IPCEF1: variants seen among roughly 807,000 people sequenced by gnomAD.
IPCEF1 encodes interactor protein for cytohesin exchange factors 1.
In IPCEF1, 31 loss-of-function variants were observed where a neutral mutation model predicts 50.9. That is an observed-to-expected ratio of 0.61 (90% confidence interval 0.46 to 0.82). The LOEUF is 0.82. Among genes scored for constraint, IPCEF1 ranks in the 40% least tolerant of loss-of-function variants. The probability of loss-of-function intolerance (pLI) is 0.00; values close to 1 mark genes in which losing one functional copy is unlikely to be tolerated. For synonymous variants in IPCEF1, 181 were observed against 192.0 expected, an observed-to-expected ratio of 0.94 and a Z score of 0.47; for missense variants, 458 against 514.0, an observed-to-expected ratio of 0.89 and a Z score of 1.05.
At chr6:154,175,551 CA>C (rs1293366976) in intron 10 of IPCEF1, among the ~76,000 whole-genome samples, 1 of 152,066 alleles carries the variant, frequency 6.6e-6, no homozygotes, top group Non-Finnish European at 1.5e-5. Flanking sequence ...CACCTCTACA[CA>C]AATAAACTAG....
chr6:154,205,668 A>C (rs972784866), intron 9 of IPCEF1, among the ~76,000 whole-genome samples: 1 of 152,246 alleles, frequency 6.6e-6, no homozygotes, highest in Non-Finnish European at 1.5e-5. Context: ...TTACCTAACT[A>C]GTTAGTGTAT....
intron 1 of IPCEF1, among the ~76,000 whole-genome samples, chr6:154,306,184 C>T (rs1225727064): frequency 1.3e-5 from 2 of 152,186 alleles, no homozygotes; most frequent in Non-Finnish European, 2.9e-5. Context: ...ACATTAACCT[C>T]ATCAGTGCTT....
intron 1 of IPCEF1, among the ~76,000 whole-genome samples, chr6:154,335,743 T>C (rs925842451): frequency 2.6e-5 from 4 of 152,018 alleles, no homozygotes; most frequent in Admixed American, 6.6e-5. Context: ...GCAAACTATT[T>C]ATCCAAGAAG....
intron 1 of IPCEF1, among the ~76,000 whole-genome samples, chr6:154,332,316 T>C (rs1376541772): frequency 6.6e-6 from 1 of 150,896 alleles, no homozygotes; most frequent in Admixed American, 6.6e-5. Flanking sequence ...ACTGTTTTTT[T>C]AGAGATAGGG....
At position 154,270,920 on chromosome 6, in the gene IPCEF1, G is replaced by A. The variant is rs535193010; in HGVS notation, c.-17-4956C>T. On this transcript the variant is annotated intron_variant, in intron 2 of 11. Coordinates refer to ENST00000367220, the MANE Select transcript of IPCEF1 (RefSeq NM_001130700.2). ...GAGCCCAGGAGGCTGAGGTTGCAGT[G>A]AGCCGAAATTGTGCCACTGCACTCC... Among the ~76,000 whole-genome samples, 54 of 152,270 alleles carry A rather than the reference G, an allele frequency of 3.5e-4. No homozygotes were observed. In the East Asian group the frequency reaches 9.3e-3, roughly 26 times the overall value.
intron 5 of IPCEF1, among the ~76,000 whole-genome samples, chr6:154,224,702 C>T (rs1779119107): frequency 1.3e-5 from 2 of 151,900 alleles, no homozygotes; most frequent in African/African-American, 4.8e-5. Context: ...CAGAGTGGGA[C>T]TCTGTCTTAA....
chr6:154,273,937 TAG>T (rs1366232590), intron 2 of IPCEF1, among the ~76,000 whole-genome samples: 1 of 151,344 alleles, frequency 6.6e-6, no homozygotes, highest in Non-Finnish European at 1.5e-5. Flanking sequence ...GTATTTTTAG[TAG>T]AGACGGGGTT....
chr6:154,228,025 C>T (rs752760917), intron 5 of IPCEF1, among the ~76,000 whole-genome samples: 4 of 151,986 alleles, frequency 2.6e-5, no homozygotes, highest in East Asian at 1.9e-4. Context: ...TCACAGAGGG[C>T]AAATCTTGAG....
chr6:154,260,895 G>T (rs1290469276), intron 3 of IPCEF1, among the ~76,000 whole-genome samples: 1 of 152,112 alleles, frequency 6.6e-6, no homozygotes, highest in Admixed American at 6.5e-5. Context: ...CATAACACTT[G>T]GTTATCACCA....
Position 154,168,586 on chromosome 6 carries a change from TATTA to T in IPCEF1, c.911-477_911-474del, listed in dbSNP as rs972952717. On this transcript the variant is annotated intron_variant, in intron 10 of 11. Transcript: ENST00000367220. This position sits in a 1 kb window ranked among gnomAD's most constrained non-coding sequence, Gnocchi z 4.1. ...GGTTAGGACGTCAACATACGAATTT[TATTA>T]ATTAATTAATTAATTTTATTATTAT... 1.3e-5 allele frequency among the ~76,000 whole-genome samples: 2 copies of T among 152,038 alleles called. No individual in the cohort carries two copies. The highest frequency in any genetic ancestry group is 1.5e-5 in the Non-Finnish European group (1 of 68,008).
intron 1 of IPCEF1, among the ~76,000 whole-genome samples, chr6:154,329,350 T>C (rs192125526): frequency 2.0e-5 from 3 of 152,164 alleles, no homozygotes; most frequent in East Asian, 3.9e-4. Flanking sequence ...AATATCAACA[T>C]TTTGGGAGGC....
intron 5 of IPCEF1, among the ~76,000 whole-genome samples, chr6:154,241,158 C>G (rs1208540300): frequency 6.6e-6 from 1 of 150,836 alleles, no homozygotes; most frequent in African/African-American, 2.4e-5. Flanking sequence ...ATCGCTTGAA[C>G]CCGGGAGGCG....
chr6:154,255,874 G>C (rs1258963697), intron 3 of IPCEF1, among the ~76,000 whole-genome samples: 1 of 152,068 alleles, frequency 6.6e-6, no homozygotes, highest in African/African-American at 2.4e-5. Flanking sequence ...AAAACCAACT[G>C]ATACTTTATT....
At chr6:154,318,115 G>A (rs1056132192) in intron 1 of IPCEF1, among the ~76,000 whole-genome samples, 1 of 152,168 alleles carries the variant, frequency 6.6e-6, no homozygotes, top group African/African-American at 2.4e-5. Context: ...TGACAACTTT[G>A]CTATGAAGTT....
chr6:154,240,851 T>C (rs1334979934), intron 5 of IPCEF1, among the ~76,000 whole-genome samples: 1 of 152,152 alleles, frequency 6.6e-6, no homozygotes, highest in East Asian at 1.9e-4. Context: ...TACAGACATA[T>C]TGGGGCCTCA....
chr6:154,305,114 C>CA (rs5881075), intron 1 of IPCEF1, among the ~76,000 whole-genome samples: 31,144 of 133,916 alleles, frequency 0.23, 3,491 homozygotes, highest in Non-Finnish European at 0.27. Context: ...AACTCTGTCT[C>CA]AAAAAAAAAA....
At chr6:154,225,483 C>A (rs1779177371) in intron 5 of IPCEF1, among the ~76,000 whole-genome samples, 1 of 152,092 alleles carries the variant, frequency 6.6e-6, no homozygotes, top group Non-Finnish European at 1.5e-5. Flanking sequence ...TGAAAGAAAC[C>A]AGACACAAAA....
chr6:154,230,597 T>A (rs544142537), intron 5 of IPCEF1, among the ~76,000 whole-genome samples: 93 of 152,112 alleles, frequency 6.1e-4, no homozygotes, highest in African/African-American at 2.0e-3. Context: ...TATTCCCGAG[T>A]CTAAATAGGT....
At chr6:154,253,905 T>C (rs956910780) in intron 3 of IPCEF1, among the ~76,000 whole-genome samples, 5 of 152,162 alleles carry the variant, frequency 3.3e-5, no homozygotes, top group African/African-American at 9.6e-5. Context: ...AAAATTACTG[T>C]TATTTTTTTT....
Sources: gnomAD v4.1 joint callset for allele counts (sites outside exome capture counted in the v4.1 genomes callset) on GRCh38, gnomAD v4.1.1 for gene constraint, Gnocchi (gnomAD v3.1) non-coding constraint, MANE v1.5 for transcripts, NCBI Gene and HGNC (gene_info 2026-07-23, HGNC 2026-07-21) for gene names.